Variants in TRIM49 observed in about 807,000 individuals in gnomAD.
The protein encoded by TRIM49 is tripartite motif containing 49.
Under a neutral mutation model 27.4 loss-of-function variants are expected in TRIM49, and 5 were observed. The observed-to-expected ratio is 0.18, with a 90% CI of 0.10 to 0.38. The LOEUF (loss-of-function observed/expected upper bound fraction) is 0.38, where lower values mean the gene tolerates loss of function less well. Ranked by LOEUF, TRIM49 falls within the 10% of genes least tolerant of loss-of-function variation. TRIM49 has a pLI of 1.00. For missense variants in TRIM49, 188 were observed against 487.5 expected (o/e 0.39, Z 5.79); for synonymous variants, 69 against 166.0 (o/e 0.42, Z 4.49).
downstream of TRIM49, among the ~76,000 whole-genome samples, chr11:89,793,308 G>A (rs1475838025): frequency 6.6e-6 from 1 of 152,072 alleles, no homozygotes; most frequent in Non-Finnish European, 1.5e-5. Flanking sequence ...AGAGGTACAA[G>A]GAGGAGCTGG....
chr11:89,774,372 T>C, the TRIM49 span, among the ~76,000 whole-genome samples: 52 of 151,156 alleles, frequency 3.4e-4, no homozygotes, highest in African/African-American at 1.3e-3. Flanking sequence ...AACTTGTCTG[T>C]TGAGCTTTGA....
At chr11:89,768,373 C>T in the TRIM49 span, 3 of 981,054 alleles carry the variant, frequency 3.1e-6, no homozygotes, top group South Asian at 1.4e-5. Flanking sequence ...ATTCAAACCA[C>T]TTCTGATATT....
downstream of TRIM49, among the ~76,000 whole-genome samples, chr11:89,796,119 T>C (rs982980089): frequency 1.1e-4 from 16 of 151,984 alleles, no homozygotes; most frequent in Non-Finnish European, 2.2e-4. Context: ...CACTTTTGTC[T>C]GGTCTAAGCA....
In TRIM49 at chr11:89,797,731, A is replaced by C. The variant is rs1379891512; in HGVS notation, c.*399T>G. On this transcript the variant is annotated 3_prime_UTR_variant, in exon 8 of 8. Coordinates refer to ENST00000329758, the MANE Select transcript of TRIM49 (RefSeq NM_020358.2). The stretch of plus-strand genomic sequence containing the variant: ...TATAGTTAGATAAAGAGGAAGAAAA[A>C]CATTTCCCAGTTATCATTGAGACTT... 7.8e-6 allele frequency: 1 copy of C among 128,664 alleles called. No homozygotes were observed. Among genetic ancestry groups the C allele is most frequent in the Non-Finnish European group, 1.6e-5 (1 of 64,144 alleles). The allele number at this position is 128,664 out of a possible 1,614,324, so 8.0% of individuals were successfully genotyped here.
At chr11:89,785,252 A>G in the TRIM49 span, among the ~76,000 whole-genome samples, 14 of 145,098 alleles carry the variant, frequency 9.6e-5, no homozygotes, top group Non-Finnish European at 7.4e-5. Context: ...AAATAAATAA[A>G]TAAATAAATA....
At chr11:89,790,391 C>G in the TRIM49 span, among the ~76,000 whole-genome samples, 3 of 149,530 alleles carry the variant, frequency 2.0e-5, no homozygotes, top group Admixed American at 1.3e-4. Context: ...CCCTGTCTGA[C>G]AGCTTTGAAG....
chr11:89,774,194 G>A, the TRIM49 span, among the ~76,000 whole-genome samples: 2 of 150,636 alleles, frequency 1.3e-5, no homozygotes, highest in African/African-American at 5.0e-5. Flanking sequence ...TACAGATGGA[G>A]TTTCACTATC....
Position 89,799,934 on chromosome 11 carries a change from T to G in TRIM49, c.762-121A>C, listed in dbSNP as rs1431474182. ...ATCTACACATTTGATAATTCAAAAATTAATCCTTCCTTTTGCAAATTAATT... is the reference window on the plus strand; with the variant it reads ...ATCTACACATTTGATAATTCAAAAAGTAATCCTTCCTTTTGCAAATTAATT... On this transcript the variant is annotated intron_variant, in intron 6 of 7. Transcript: ENST00000329758. The G allele has an allele frequency of 8.9e-6, 11 of 1,237,812 alleles. 1 individual carries two copies. In the African/African-American group the frequency reaches 1.3e-4, roughly 14 times the overall value. The allele number at this position is 1,237,812 out of a possible 1,614,324, so 76.7% of individuals were successfully genotyped here.
the TRIM49 span, among the ~76,000 whole-genome samples, chr11:89,770,346 T>C: frequency 7.6e-6 from 1 of 131,784 alleles, no homozygotes; most frequent in Non-Finnish European, 1.5e-5. Context: ...TCTCATTCTT[T>C]CTCCTTTATA....
Position 89,801,095 on chromosome 11 carries a change from C to A in TRIM49, c.739-107G>T, listed in dbSNP as rs1015200852. ...AGTTTCTGAAGATATTATTTCCCTA[C>A]CATCTTCTCTTCTGGAAAGTATTTT... is the stretch of plus-strand genomic sequence containing the variant. On this transcript the variant is annotated intron_variant, in intron 5 of 7. Coordinates refer to ENST00000329758, the MANE Select transcript of TRIM49 (RefSeq NM_020358.2). 5 of 1,456,684 alleles carry A rather than the reference C, an allele frequency of 3.4e-6. No homozygotes were observed. In the African/African-American group the frequency reaches 6.1e-5, roughly 18 times the overall value. 90.2% of individuals were successfully genotyped at this position (1,456,684 alleles called of 1,614,324 possible).
the TRIM49 span, chr11:89,787,888 G>C: frequency 2.6e-5 from 11 of 415,710 alleles, 1 homozygote; most frequent in Admixed American, 4.0e-4. Context: ...GCAAGGCCGC[G>C]GGGCTGGGCA....
chr11:89,766,642 C>T, the TRIM49 span: 1 of 1,329,540 alleles, frequency 7.5e-7, no homozygotes, highest in Non-Finnish European at 1.0e-6. Flanking sequence ...TTTAAGGAGC[C>T]AGCTGGGTAA....
Position 89,797,997 on chromosome 11 carries a change from T to C in TRIM49, c.*133A>G. 1 of 471,474 alleles carries C rather than the reference T, an allele frequency of 2.1e-6. No individual in the cohort carries two copies. Among genetic ancestry groups the C allele is most frequent in the Non-Finnish European group, 3.2e-6 (1 of 309,530 alleles). The allele number at this position is 471,474 out of a possible 1,614,324, so 29.2% of individuals were successfully genotyped here. A position where few individuals can be genotyped will look rare whatever the true frequency, so the allele number is the denominator to read the frequency against. The stretch of plus-strand genomic sequence containing the variant: ...TTAATAGTAACACAATAAATGAGTT[T>C]TGATAACATTAGAAGGCAATTCAAG... On this transcript the variant is annotated 3_prime_UTR_variant, in exon 8 of 8. Transcript: ENST00000329758.
the TRIM49 span, among the ~76,000 whole-genome samples, chr11:89,774,351 G>A: frequency 2.3e-4 from 35 of 151,050 alleles, no homozygotes; most frequent in East Asian, 4.3e-3. Context: ...ACTTTCTTGC[G>A]TCTCATTCCA....
chr11:89,800,910 C>T, intron 6 of TRIM49, 56 bp downstream of exon 6: 3 of 1,030,216 alleles, frequency 2.9e-6, no homozygotes, highest in Middle Eastern at 4.4e-4. Context: ...ATAGAGCCTG[C>T]TTTGATAGTC....
At chr11:89,803,563 C>G (rs192398096) in intron 4 of TRIM49, 135 bp downstream of exon 4, 9 of 1,525,632 alleles carry the variant, frequency 5.9e-6, no homozygotes, top group African/African-American at 1.4e-5. Flanking sequence ...GCCACTTTTT[C>G]TCAGTGTTTT....
At chr11:89,791,295 T>A in the TRIM49 span, among the ~76,000 whole-genome samples, 1 of 152,146 alleles carries the variant, frequency 6.6e-6, no homozygotes, top group Non-Finnish European at 1.5e-5. Flanking sequence ...ATGGGGAGTA[T>A]GGATACGAGT....
chr11:89,768,712 A>G, the TRIM49 span: 5 of 462,040 alleles, frequency 1.1e-5, no homozygotes, highest in Non-Finnish European at 1.7e-5. Context: ...ACATTGACAC[A>G]TTATGGTGTT....
At chr11:89,792,771 A>G (rs1224759934), downstream of TRIM49, among the ~76,000 whole-genome samples, 1 of 152,150 alleles carries the variant, frequency 6.6e-6, no homozygotes, top group Non-Finnish European at 1.5e-5. Context: ...TTATAGCACT[A>G]AATGCCCACA....
Sources: gnomAD v4.1 joint callset for allele counts (sites outside exome capture counted in the v4.1 genomes callset) on GRCh38, gnomAD v4.1.1 for gene constraint, MANE v1.5 for transcripts, NCBI Gene and HGNC (gene_info 2026-07-23, HGNC 2026-07-21) for gene names.